The following RC3H1 variants were observed in gnomAD, a reference collection of about 807,000 sequenced individuals.
The protein encoded by RC3H1 is roquin-1.
Under a neutral mutation model 138.2 loss-of-function variants are expected in RC3H1, and 50 were observed. The ratio of observed to expected loss-of-function variants is 0.36; its 90% CI spans 0.29 to 0.46. The LOEUF is 0.46. Ranked by LOEUF, RC3H1 falls within the 20% of genes least tolerant of loss-of-function variation. The probability of loss-of-function intolerance (pLI) is 1.00; values close to 1 mark genes in which losing one functional copy is unlikely to be tolerated. For synonymous variants in RC3H1, 462 were observed against 489.1 expected (o/e 0.94, Z 0.73); for missense variants, 1,031 against 1,388.1 (o/e 0.74, Z 4.09).
chr1:174,019,573 G>C (rs1661921169), intron 1 of RC3H1, among the ~76,000 whole-genome samples: 2 of 152,206 alleles, frequency 1.3e-5, no homozygotes, highest in African/African-American at 4.8e-5. Flanking sequence ...GTTCTGAAAG[G>C]CGTTGTGTAC....
At chr1:173,957,477 A>T (rs915566792) in intron 13 of RC3H1, among the ~76,000 whole-genome samples, 6 of 152,202 alleles carry the variant, frequency 3.9e-5, no homozygotes, top group African/African-American at 1.2e-4. Flanking sequence ...ATTTCTTATA[A>T]AACAATATGG....
chr1:173,951,972 G>A lies in RC3H1; in HGVS notation c.2523+14C>T. 6.3e-7 allele frequency: 1 copy of A among 1,590,016 alleles called. No homozygotes were observed. The highest frequency in any genetic ancestry group is 8.5e-7 in the Non-Finnish European group (1 of 1,170,784). ...CTTAATTTGTATTAATTATTGCTTA[G>A]CTATTACACATACCATCATTTCCAC... On this transcript the variant is annotated intron_variant, in intron 14 of 19. Coordinates refer to ENST00000367696, the MANE Select transcript of RC3H1 (RefSeq NM_172071.4).
intron 6 of RC3H1, among the ~76,000 whole-genome samples, chr1:173,979,053 A>G (rs529076146): frequency 6.6e-6 from 1 of 152,354 alleles, no homozygotes; most frequent in East Asian, 1.9e-4. Flanking sequence ...TAATTAAATG[A>G]AATAAAAATT....
chr1:173,943,390 A>G (rs1658992038), intron 18 of RC3H1, 52 bp downstream of exon 18: 1 of 1,540,758 alleles, frequency 6.5e-7, no homozygotes, highest in African/African-American at 1.4e-5. Context: ...TTCTAGAGCC[A>G]CATGAAAGAT....
intron 6 of RC3H1, among the ~76,000 whole-genome samples, chr1:173,980,391 CCTTTGT>C (rs965358484): frequency 3.3e-5 from 5 of 151,806 alleles, no homozygotes; most frequent in African/African-American, 9.7e-5. Flanking sequence ...TATTAACTTC[CCTTTGT>C]CTTTGTCTAA....
At chr1:173,944,631 G>T (rs533447984) in intron 17 of RC3H1, among the ~76,000 whole-genome samples, 1 of 152,314 alleles carries the variant, frequency 6.6e-6, no homozygotes, top group African/African-American at 2.4e-5. Flanking sequence ...GCCTTATTGG[G>T]TTGAAGGTCT....
chr1:174,007,589 G>A (rs567087670), intron 1 of RC3H1, among the ~76,000 whole-genome samples: 4 of 152,016 alleles, frequency 2.6e-5, no homozygotes, highest in Non-Finnish European at 5.9e-5. Context: ...TCAGCCTCCT[G>A]AGGAGCTGGG....
chr1:174,004,582 G>A lies in RC3H1; in HGVS notation c.-150-11447C>T, dbSNP rs536568061. ...GCACTCCAGGAGGCCAAGGCAGGTG[G>A]ATCACCTGAGGTCAGGGGTTCGAGA... On this transcript the variant is annotated intron_variant, in intron 1 of 19. Coordinates refer to ENST00000367696, the MANE Select transcript of RC3H1 (RefSeq NM_172071.4). Among the ~76,000 whole-genome samples the A allele has an allele frequency of 5.3e-5, 8 of 151,764 alleles. No individual in the cohort carries two copies. The South Asian group carries it at 1.7e-3, about 32-fold the overall frequency.
rs1660676950 is a variant in RC3H1, at chr1:173,978,575, T to C, written c.1015A>G (p.Ile339Val). ...GGGTCTCCAGTTCGCTGGAGAGCAATTGTTAGTTCCTGAACACTCTGTGCA... is the reference window on the plus strand; with the variant it reads ...GGGTCTCCAGTTCGCTGGAGAGCAACTGTTAGTTCCTGAACACTCTGTGCA... Reference protein sequence around the residue: ...SFAQSVQELTIALQRTGDPAN... With the variant: ...SFAQSVQELTVALQRTGDPAN... The change falls in exon 7 of 20, where the codon ATT becomes GTT. Residue 339 changes from isoleucine (I) to valine (V), a missense_variant. Ile to Val is a conservative substitution (Grantham distance 29, BLOSUM62 3). Coordinates refer to ENST00000367696, the MANE Select transcript of RC3H1 (RefSeq NM_172071.4). The C allele has an allele frequency of 3.7e-6, 6 of 1,614,068 alleles. No individual in the cohort carries two copies. Among genetic ancestry groups the C allele is most frequent in the Non-Finnish European group, 5.1e-6 (6 of 1,179,944 alleles).
chr1:173,996,203 G>A (rs571041700), intron 1 of RC3H1, among the ~76,000 whole-genome samples: 1 of 152,062 alleles, frequency 6.6e-6, no homozygotes, highest in African/African-American at 2.4e-5. Context: ...GCAGTGAGCC[G>A]AAATCACGCC....
chr1:173,961,524 T>C (rs984161148), intron 12 of RC3H1, among the ~76,000 whole-genome samples: 8 of 151,246 alleles, frequency 5.3e-5, no homozygotes, highest in African/African-American at 1.9e-4. Context: ...GAAAGGTTAA[T>C]TGTGGGGAGG....
At chr1:173,989,069 C>G (rs911230946) in intron 2 of RC3H1, among the ~76,000 whole-genome samples, 2 of 152,176 alleles carry the variant, frequency 1.3e-5, no homozygotes, top group African/African-American at 4.8e-5. Flanking sequence ...CATTCTGTTG[C>G]CCAAGCTACA....
intron 9 of RC3H1, among the ~76,000 whole-genome samples, chr1:173,968,084 C>T (rs1660199656): frequency 6.6e-6 from 1 of 152,162 alleles, no homozygotes; most frequent in Non-Finnish European, 1.5e-5. Flanking sequence ...TGCTAAGCTC[C>T]TATATGCATC....
intron 5 of RC3H1, among the ~76,000 whole-genome samples, chr1:173,982,067 C>G (rs1458563149): frequency 6.6e-6 from 1 of 152,136 alleles, no homozygotes; most frequent in Non-Finnish European, 1.5e-5. Context: ...TGGAATTACA[C>G]TAGGAGAAAA....
intron 17 of RC3H1, among the ~76,000 whole-genome samples, chr1:173,944,170 C>T (rs1256828438): frequency 7.3e-6 from 1 of 137,502 alleles, no homozygotes; most frequent in Admixed American, 7.4e-5. Flanking sequence ...GAGACTTTGT[C>T]TCTCAAAAAA....
chr1:173,979,751 A>G (rs1377476945), intron 6 of RC3H1, among the ~76,000 whole-genome samples: 1 of 152,356 alleles, frequency 6.6e-6, no homozygotes, highest in Admixed American at 6.5e-5. Flanking sequence ...GTTTCCGTAA[A>G]TTATAAATGA....
intron 17 of RC3H1, among the ~76,000 whole-genome samples, chr1:173,944,416 C>T (rs114270769): frequency 0.015 from 2,227 of 152,108 alleles, 62 homozygotes; most frequent in African/African-American, 0.051. Context: ...AAAAATCATG[C>T]ATGTGGTGGG....
At chr1:174,014,218 T>C (rs774957823) in intron 1 of RC3H1, among the ~76,000 whole-genome samples, 35 of 152,344 alleles carry the variant, frequency 2.3e-4, no homozygotes, top group Non-Finnish European at 4.9e-4. Context: ...CTATGGACTT[T>C]AGTTAATAAT....
intron 14 of RC3H1, among the ~76,000 whole-genome samples, chr1:173,948,648 T>C (rs562447253): frequency 2.0e-5 from 3 of 152,162 alleles, no homozygotes; most frequent in South Asian, 2.1e-4. Context: ...TGTCACCAGG[T>C]TGGACTGCAG....
Sources: allele counts gnomAD v4.1 joint callset (sites outside exome capture counted in the v4.1 genomes callset), GRCh38; gene constraint gnomAD v4.1.1; transcripts MANE v1.5; gene names NCBI Gene and HGNC (gene_info 2026-07-23, HGNC 2026-07-21).